Variants in MAGI3 observed in about 807,000 individuals in gnomAD.
The protein encoded by MAGI3 is membrane-associated guanylate kinase, WW and PDZ domain-containing protein 3.
In MAGI3, 43 loss-of-function variants were observed where a neutral mutation model predicts 121.8. The observed-to-expected ratio is 0.35, with a 90% CI of 0.28 to 0.46. The LOEUF (loss-of-function observed/expected upper bound fraction) is 0.46, where lower values mean the gene tolerates loss of function less well. Ranked by LOEUF, MAGI3 falls within the 20% of genes least tolerant of loss-of-function variation. MAGI3 has a pLI of 1.00. For missense variants in MAGI3, 1,547 were observed against 1,797.3 expected, an observed-to-expected ratio of 0.86 and a Z score of 2.52; for synonymous variants, 553 against 639.3, an observed-to-expected ratio of 0.86 and a Z score of 2.04.
At chr1:113,627,009 A>T (rs971776958) in intron 9 of MAGI3, among the ~76,000 whole-genome samples, 1 of 151,900 alleles carries the variant, frequency 6.6e-6, no homozygotes, top group Non-Finnish European at 1.5e-5. Flanking sequence ...GTTCTTCAAG[A>T]TGCATCATGA....
At chr1:113,548,392 CTATT>C (rs1334945682) in intron 1 of MAGI3, among the ~76,000 whole-genome samples, 1 of 152,190 alleles carries the variant, frequency 6.6e-6, no homozygotes, top group Non-Finnish European at 1.5e-5. Flanking sequence ...TTATATCTCT[CTATT>C]TATTTCCCAT....
At chr1:113,569,546 C>A (rs1231555506) in intron 2 of MAGI3, among the ~76,000 whole-genome samples, 1 of 152,164 alleles carries the variant, frequency 6.6e-6, no homozygotes, top group African/African-American at 2.4e-5. Flanking sequence ...AACCATGACT[C>A]TATTTTCTTC....
chr1:113,612,737 G>A (rs1018169242), intron 6 of MAGI3, among the ~76,000 whole-genome samples: 2 of 152,154 alleles, frequency 1.3e-5, no homozygotes, highest in African/African-American at 4.8e-5. Context: ...AGAAAGGACT[G>A]TTAATCTCTT....
chr1:113,453,667 C>T (rs1654598709), intron 1 of MAGI3, among the ~76,000 whole-genome samples: 2 of 152,096 alleles, frequency 1.3e-5, no homozygotes, highest in Non-Finnish European at 2.9e-5. Context: ...AGAGCTAGCC[C>T]TTACATAGTG....
chr1:113,604,721 T>C (rs1649643277), intron 6 of MAGI3, among the ~76,000 whole-genome samples: 2 of 151,700 alleles, frequency 1.3e-5, no homozygotes, highest in African/African-American at 2.4e-5. Context: ...GACTCAGGAA[T>C]GGAGAACCAA....
chr1:113,611,193 TCTC>T (rs909214485), intron 6 of MAGI3, among the ~76,000 whole-genome samples: 1 of 151,712 alleles, frequency 6.6e-6, no homozygotes, highest in African/African-American at 2.4e-5. Flanking sequence ...TTCGAGCAAT[TCTC>T]CTGCCTCAGC....
intron 1 of MAGI3, among the ~76,000 whole-genome samples, chr1:113,479,365 T>C (rs1174447924): frequency 6.6e-6 from 1 of 152,176 alleles, no homozygotes; most frequent in East Asian, 1.9e-4. Context: ...GAGCTGTTCC[T>C]ATTCGGCCAT....
chr1:113,604,953 T>A (rs1649662498), intron 6 of MAGI3, among the ~76,000 whole-genome samples: 1 of 150,540 alleles, frequency 6.6e-6, no homozygotes, highest in Admixed American at 6.6e-5. Context: ...AAACCACTTA[T>A]ACCCTGATAT....
intron 2 of MAGI3, among the ~76,000 whole-genome samples, chr1:113,554,285 G>A (rs1210639456): frequency 6.7e-6 from 1 of 150,334 alleles, no homozygotes; most frequent in African/African-American, 2.4e-5. Context: ...ATATTCATAT[G>A]TGTGTGTGTG....
At chr1:113,577,126 A>C (rs1350242501) in intron 2 of MAGI3, among the ~76,000 whole-genome samples, 1 of 152,178 alleles carries the variant, frequency 6.6e-6, no homozygotes, top group African/African-American at 2.4e-5. Flanking sequence ...GGATGGAGGG[A>C]GGGAGAGGTT....
At chr1:113,472,602 T>G (rs1655594147) in intron 1 of MAGI3, among the ~76,000 whole-genome samples, 1 of 152,132 alleles carries the variant, frequency 6.6e-6, no homozygotes, top group South Asian at 2.1e-4. Context: ...TGATAGTTTT[T>G]TTTTTAATAA....
At chr1:113,527,962 CTATAAG>C (rs1658528961) in intron 1 of MAGI3, among the ~76,000 whole-genome samples, 2 of 152,106 alleles carry the variant, frequency 1.3e-5, no homozygotes, top group South Asian at 4.1e-4. Context: ...ACCCACCTAT[CTATAAG>C]TATGTGTGTG....
Position 113,653,830 on chromosome 1 carries a change from A to G in MAGI3, c.2441A>G (p.Glu814Gly), listed in dbSNP as rs1011127828. 7.5e-6 allele frequency: 12 copies of G among 1,589,566 alleles called. No individual in the cohort carries two copies. Among genetic ancestry groups the G allele is most frequent in the African/African-American group, 1.4e-5 (1 of 73,214 alleles). ...LTVRRKIFYG[E>G]KQPEDDSSQA... is the part of the protein sequence containing the mutation. ...TCAAAACTGATCATGTTTATTACAGAAAAACAACCCGAGGACGACAGCTCT... is the reference window on the plus strand; with the variant it reads ...TCAAAACTGATCATGTTTATTACAGGAAAACAACCCGAGGACGACAGCTCT... Residue 814 changes from glutamate (E) to glycine (G), a missense_variant and splice_region_variant, in exon 15 of 21, where the codon GAA becomes GGA. Coordinates refer to ENST00000307546, the MANE Select transcript of MAGI3 (RefSeq NM_001142782.2).
intron 6 of MAGI3, among the ~76,000 whole-genome samples, chr1:113,607,501 T>A (rs1428455899): frequency 1.3e-5 from 2 of 152,150 alleles, no homozygotes; most frequent in Non-Finnish European, 2.9e-5. Context: ...ATGATACAAA[T>A]AGGCAAACCC....
At chr1:113,542,403 A>T (rs552431310) in intron 1 of MAGI3, among the ~76,000 whole-genome samples, 1 of 152,318 alleles carries the variant, frequency 6.6e-6, no homozygotes, top group African/African-American at 2.4e-5. Flanking sequence ...TTAATTGTTT[A>T]TGTCTGGAAC....
chr1:113,402,663 T>C (rs1651467821), intron 1 of MAGI3, among the ~76,000 whole-genome samples: 1 of 152,058 alleles, frequency 6.6e-6, no homozygotes, highest in Non-Finnish European at 1.5e-5. Context: ...AAGATAAATT[T>C]TAGGGCAAGA....
At chr1:113,462,963 A>G (rs1244673084) in intron 1 of MAGI3, among the ~76,000 whole-genome samples, 1 of 152,192 alleles carries the variant, frequency 6.6e-6, no homozygotes, top group African/African-American at 2.4e-5. Flanking sequence ...AAAGAGTCCA[A>G]TGGACCCATA....
rs760451472 is a variant in MAGI3 at position 113,549,488 on chromosome 1, TG to T, written c.317-26del. ...GTCTAAAAATTATGCATTTATTTTC[TG>T]TTTTTTTTTTTTGTCTTTGCTCCAG... is the stretch of plus-strand genomic sequence containing the variant. On this transcript the variant is annotated intron_variant, in intron 1 of 20. Coordinates refer to ENST00000307546, the MANE Select transcript of MAGI3 (RefSeq NM_001142782.2). 11 of 1,252,994 alleles carry T rather than the reference TG, an allele frequency of 8.8e-6. No homozygotes were observed. The African/African-American group carries it at 1.4e-4, about 16-fold the overall frequency. 77.6% of individuals were successfully genotyped at this position (1,252,994 alleles called of 1,614,324 possible).
intron 19 of MAGI3, among the ~76,000 whole-genome samples, chr1:113,679,157 T>C (rs868740899): frequency 1.4e-4 from 22 of 152,176 alleles, no homozygotes; most frequent in Non-Finnish European, 1.9e-4. Context: ...CACAGGTATA[T>C]TGCATGATTC....
Sources: gnomAD v4.1 joint callset for allele counts (sites outside exome capture counted in the v4.1 genomes callset) on GRCh38, gnomAD v4.1.1 for gene constraint, MANE v1.5 for transcripts, NCBI Gene and HGNC (gene_info 2026-07-23, HGNC 2026-07-21) for gene names.